The following KHDRBS3 variants were observed in gnomAD, a reference collection of about 807,000 sequenced individuals.
KHDRBS3 encodes KH domain-containing, RNA-binding, signal transduction-associated protein 3.
In KHDRBS3, 23 loss-of-function variants were observed where a neutral mutation model predicts 45.6. That is an observed-to-expected ratio of 0.50 (90% CI 0.36 to 0.72). The LOEUF is 0.72. Ranked by LOEUF, KHDRBS3 falls within the 30% of genes least tolerant of loss-of-function variation. The pLI, the probability that KHDRBS3 is intolerant of heterozygous loss-of-function variation, is 0.00. For synonymous variants in KHDRBS3, 162 were observed against 156.5 expected (o/e 1.04, Z -0.26); for missense variants, 352 against 424.8 (o/e 0.83, Z 1.51).
intron 1 of KHDRBS3, among the ~76,000 whole-genome samples, chr8:135,469,708 T>C (rs1821912044): frequency 6.6e-6 from 1 of 152,164 alleles, no homozygotes; most frequent in African/African-American, 2.4e-5. Context: ...TTTGTATTTT[T>C]AGTAGAGACA....
chr8:135,462,815 T>C (rs1485255065), intron 1 of KHDRBS3, among the ~76,000 whole-genome samples: 5 of 152,164 alleles, frequency 3.3e-5, no homozygotes, highest in Admixed American at 6.5e-5. Context: ...CTTTTTACCA[T>C]GTCCTACTGA....
intron 5 of KHDRBS3, among the ~76,000 whole-genome samples, chr8:135,569,665 G>A (rs181122445): frequency 8.5e-5 from 13 of 152,212 alleles, no homozygotes; most frequent in Admixed American, 3.9e-4. Flanking sequence ...TACTTAGAAG[G>A]TGAGCCGCAT....
chr8:135,582,391 A>G (rs2130927256), intron 6 of KHDRBS3, among the ~76,000 whole-genome samples: 1 of 152,110 alleles, frequency 6.6e-6, no homozygotes, highest in African/African-American at 2.4e-5. Context: ...TGCATATTTC[A>G]CTCCTGAATA....
At chr8:135,538,748 T>C (rs1385556476) in intron 2 of KHDRBS3, 1 of 152,158 alleles carries the variant, frequency 6.6e-6, no homozygotes. Context: ...CCATAGCAAG[T>C]GGGACATCAG....
chr8:135,564,070 G>C (rs1029066504), intron 5 of KHDRBS3, among the ~76,000 whole-genome samples: 18 of 152,166 alleles, frequency 1.2e-4, no homozygotes, highest in African/African-American at 4.3e-4. Context: ...CATCGAATCA[G>C]GGAAATTTTC....
chr8:135,638,679 G>A (rs531750900), intron 7 of KHDRBS3, among the ~76,000 whole-genome samples: 29 of 152,366 alleles, frequency 1.9e-4, no homozygotes, highest in South Asian at 4.1e-4. Flanking sequence ...GCTGGGCGCC[G>A]TGGCTCACGC....
At chr8:135,552,575 T>A (rs1265921931) in intron 4 of KHDRBS3, among the ~76,000 whole-genome samples, 1 of 152,154 alleles carries the variant, frequency 6.6e-6, no homozygotes, top group Non-Finnish European at 1.5e-5. Flanking sequence ...AAAGTCTGTA[T>A]TTTCGATAAC....
chr8:135,578,754 T>C (rs534341855), intron 5 of KHDRBS3, among the ~76,000 whole-genome samples: 1 of 152,332 alleles, frequency 6.6e-6, no homozygotes, highest in Non-Finnish European at 1.5e-5. Flanking sequence ...TCTAAAAATA[T>C]ATCACTTGCT....
intron 1 of KHDRBS3, among the ~76,000 whole-genome samples, chr8:135,474,917 G>A (rs1174878447): frequency 2.0e-5 from 3 of 152,208 alleles, no homozygotes; most frequent in South Asian, 2.1e-4. Flanking sequence ...GGGAGAGTCT[G>A]TGCCTGAGCT....
At chr8:135,602,086 A>G (rs1488343447) in intron 6 of KHDRBS3, among the ~76,000 whole-genome samples, 1 of 152,134 alleles carries the variant, frequency 6.6e-6, no homozygotes, top group East Asian at 1.9e-4. Flanking sequence ...TTGCTGAGTC[A>G]TTTGTTTATT....
intron 1 of KHDRBS3, among the ~76,000 whole-genome samples, chr8:135,489,690 A>G (rs1394790799): frequency 6.6e-6 from 1 of 152,232 alleles, no homozygotes; most frequent in Non-Finnish European, 1.5e-5. Flanking sequence ...CAAAACAACA[A>G]CAACAAAAAG....
intron 4 of KHDRBS3, among the ~76,000 whole-genome samples, chr8:135,653,100 AACAG>A (rs1831462804): frequency 6.6e-6 from 1 of 152,192 alleles, no homozygotes; most frequent in Non-Finnish European, 1.5e-5. Flanking sequence ...CCTAGTACCT[AACAG>A]ACAGTCAAAA....
chr8:135,616,978 A>T (rs1044584715), intron 7 of KHDRBS3, among the ~76,000 whole-genome samples: 1 of 152,032 alleles, frequency 6.6e-6, no homozygotes, highest in Non-Finnish European at 1.5e-5. Context: ...TATTGTTAGT[A>T]AAAAAAGACA....
At chr8:135,617,360 C>T (rs1563809083) in intron 7 of KHDRBS3, among the ~76,000 whole-genome samples, 1 of 151,854 alleles carries the variant, frequency 6.6e-6, no homozygotes, top group Non-Finnish European at 1.5e-5. Flanking sequence ...TTACTGCAAC[C>T]TCCGTCTCCT....
chr8:135,495,719 C>A (rs183847782), intron 1 of KHDRBS3, among the ~76,000 whole-genome samples: 66 of 152,198 alleles, frequency 4.3e-4, no homozygotes, highest in African/African-American at 1.5e-3. Context: ...TTATTTTAAT[C>A]ATTGTTTCCC....
chr8:135,573,561 T>G (rs1389360628), intron 5 of KHDRBS3, among the ~76,000 whole-genome samples: 2 of 152,190 alleles, frequency 1.3e-5, no homozygotes, highest in Non-Finnish European at 2.9e-5. Context: ...TAACCCCAGT[T>G]TACAGATAGG....
intron 6 of KHDRBS3, among the ~76,000 whole-genome samples, chr8:135,603,822 C>T (rs968342705): frequency 6.6e-5 from 10 of 152,102 alleles, no homozygotes; most frequent in Non-Finnish European, 1.5e-4. Context: ...CTTGGGAAGA[C>T]TTACGGTCTA....
chr8:135,571,988 A>G (rs1029137973), intron 5 of KHDRBS3, among the ~76,000 whole-genome samples: 2 of 152,142 alleles, frequency 1.3e-5, no homozygotes, highest in Non-Finnish European at 2.9e-5. Context: ...GATACTAAAA[A>G]CTGAATTCCT....
rs746187730 is a variant in KHDRBS3, at chr8:135,548,826, G to A, written c.397G>A (p.Val133Met). Residue 133 changes from valine to methionine, a missense_variant, in exon 4 of 9, where the codon GTG becomes ATG. Val to Met is a conservative substitution (Grantham distance 21). Coordinates refer to ENST00000355849, the MANE Select transcript of KHDRBS3 (RefSeq NM_006558.3). Reference sequence around the variant, plus strand: ...TGATGATCTCCATGTTCTCATTGAAGTGTTTGCCCCACCTGCAGAAGCTTA... The same window carrying A: ...TGATGATCTCCATGTTCTCATTGAAATGTTTGCCCCACCTGCAGAAGCTTA... ...LNDDLHVLIE[V>M]FAPPAEAYAR... The A allele has an allele frequency of 1.2e-6, 2 of 1,605,430 alleles. No homozygotes were observed.
Sources: gnomAD v4.1 joint callset for allele counts (sites outside exome capture counted in the v4.1 genomes callset) on GRCh38, gnomAD v4.1.1 for gene constraint, MANE v1.5 for transcripts, NCBI Gene and HGNC (gene_info 2026-07-23, HGNC 2026-07-21) for gene names.